PDE4D: variants seen among roughly 807,000 people sequenced by gnomAD.
The protein encoded by PDE4D is 3',5'-cyclic-AMP phosphodiesterase 4D.
A neutral mutation model predicts 87.4 loss-of-function variants in PDE4D; 24 were observed. That is an observed-to-expected ratio of 0.27 (90% confidence interval 0.20 to 0.39). The LOEUF is 0.39. Among genes scored for constraint, PDE4D ranks in the 10% least tolerant of loss-of-function variants. The pLI is 1.00. For synonymous variants in PDE4D, 384 were observed against 383.2 expected (o/e 1.00, Z -0.02); for missense variants, 714 against 1,041.0 (o/e 0.69, Z 4.32).
chr5:60,063,529 C>T (rs1771724131), intron 2 of PDE4D, among the ~76,000 whole-genome samples: 1 of 151,972 alleles, frequency 6.6e-6, no homozygotes, highest in African/African-American at 2.4e-5. Flanking sequence ...TGGGTGTAGG[C>T]CAACCTTGCC....
chr5:60,032,869 A>G (rs921696168), intron 2 of PDE4D: 1 of 152,336 alleles, frequency 6.6e-6, no homozygotes, highest in South Asian at 2.1e-4. Context: ...AACTACATTC[A>G]TCTTGGAAAT....
chr5:59,945,217 A>C (rs1296442447), intron 3 of PDE4D, among the ~76,000 whole-genome samples: 1 of 152,250 alleles, frequency 6.6e-6, no homozygotes. Context: ...AAATGGTTGA[A>C]ATGGCAATTT....
chr5:59,210,355 C>T (rs960845027), intron 2 of PDE4D, among the ~76,000 whole-genome samples: 2 of 152,140 alleles, frequency 1.3e-5, no homozygotes, highest in African/African-American at 4.8e-5. Context: ...AAACTCAGGA[C>T]TGGAAGCAAT....
chr5:59,646,631 C>T (rs1742486754), intron 1 of PDE4D, among the ~76,000 whole-genome samples: 2 of 152,102 alleles, frequency 1.3e-5, no homozygotes, highest in Admixed American at 6.6e-5. Flanking sequence ...TTTAGGTCCT[C>T]GATTTGTGGC....
intron 11 of PDE4D, among the ~76,000 whole-genome samples, chr5:58,987,793 C>T (rs973235809): frequency 1.3e-5 from 2 of 152,112 alleles, no homozygotes; most frequent in African/African-American, 4.8e-5. Flanking sequence ...AAATCACTTA[C>T]CAATTAACTT....
rs556979031 is a variant in PDE4D at position 59,599,426 on chromosome 5, A to G, written c.455+293742T>C. 8.3e-4 allele frequency among the ~76,000 whole-genome samples: 126 copies of G among 151,734 alleles called. 1 individual carries two copies. The highest frequency in any genetic ancestry group is 2.9e-3 in the African/African-American group (122 of 41,416). On this transcript the variant is annotated intron_variant, in intron 1 of 14. Coordinates refer to ENST00000340635, the MANE Select transcript of PDE4D (RefSeq NM_001104631.2). The stretch of plus-strand genomic sequence containing the variant: ...TTTATTTTTTTTTTATTTTTAGTAG[A>G]GATGGAGTTTCACCATGTTGGCTAG...
intron 1 of PDE4D, among the ~76,000 whole-genome samples, chr5:60,310,946 C>T (rs1237989105): frequency 6.6e-6 from 1 of 152,004 alleles, no homozygotes; most frequent in African/African-American, 2.4e-5. Context: ...ATTCCCCATA[C>T]ATAGGAAATA....
intron 1 of PDE4D, among the ~76,000 whole-genome samples, chr5:59,398,338 A>G (rs1789904215): frequency 7.2e-6 from 1 of 139,194 alleles, no homozygotes; most frequent in African/African-American, 2.8e-5. Context: ...TCAATAAAAT[A>G]CTGGCAAACC....
chr5:60,249,630 T>C (rs1748200586), intron 1 of PDE4D, among the ~76,000 whole-genome samples: 3 of 152,054 alleles, frequency 2.0e-5, no homozygotes, highest in Admixed American at 6.6e-5. Context: ...TGAGTTTACA[T>C]TGGGTCACAA....
At chr5:59,624,454 G>C (rs893421026) in intron 1 of PDE4D, among the ~76,000 whole-genome samples, 1 of 152,114 alleles carries the variant, frequency 6.6e-6, no homozygotes, top group Non-Finnish European at 1.5e-5. Flanking sequence ...CTTCCTGAGA[G>C]ACTGGGAAGG....
At chr5:59,499,607 T>C (rs906551654) in intron 1 of PDE4D, among the ~76,000 whole-genome samples, 3 of 151,878 alleles carry the variant, frequency 2.0e-5, no homozygotes, top group African/African-American at 7.3e-5. Flanking sequence ...ACCAATCCCA[T>C]AGAAACATAA....
At chr5:59,471,577 T>C (rs907942397) in intron 1 of PDE4D, among the ~76,000 whole-genome samples, 5 of 152,264 alleles carry the variant, frequency 3.3e-5, no homozygotes, top group Non-Finnish European at 7.3e-5. Flanking sequence ...TTATAGCTTC[T>C]GTAAATCCTA....
At chr5:59,205,786 A>C (rs1748655071) in intron 2 of PDE4D, among the ~76,000 whole-genome samples, 1 of 152,126 alleles carries the variant, frequency 6.6e-6, no homozygotes, top group South Asian at 2.1e-4. Context: ...TGAATTTTGA[A>C]ACATGGAAAT....
At chr5:59,465,751 T>C (rs1356511040) in intron 1 of PDE4D, among the ~76,000 whole-genome samples, 2 of 152,186 alleles carry the variant, frequency 1.3e-5, no homozygotes, top group Non-Finnish European at 2.9e-5. Flanking sequence ...AAATTCAACC[T>C]GAAGAGAGAT....
chr5:59,101,146 G>C (rs1025182565), intron 5 of PDE4D, among the ~76,000 whole-genome samples: 2 of 152,026 alleles, frequency 1.3e-5, no homozygotes, highest in Admixed American at 1.3e-4. Context: ...TTCTTGAGCA[G>C]GCAGCTTAGG....
At chr5:59,861,532 T>C (rs1392904212) in intron 1 of PDE4D, among the ~76,000 whole-genome samples, 7 of 152,090 alleles carry the variant, frequency 4.6e-5, no homozygotes, top group Admixed American at 4.6e-4. Context: ...TTCGAAACAA[T>C]GGGAAAACAA....
intron 1 of PDE4D, among the ~76,000 whole-genome samples, chr5:59,824,105 C>A (rs1770030926): frequency 6.6e-6 from 1 of 151,868 alleles, no homozygotes; most frequent in Non-Finnish European, 1.5e-5. Context: ...AAAGGCAAGC[C>A]ACCTATGTAA....
At chr5:59,670,109 G>A (rs1746945305) in intron 1 of PDE4D, among the ~76,000 whole-genome samples, 1 of 151,992 alleles carries the variant, frequency 6.6e-6, no homozygotes, top group African/African-American at 2.4e-5. Context: ...ATAGCATTAT[G>A]GTAGAGTACA....
At chr5:60,040,326 A>T (rs1014571643) in intron 2 of PDE4D, among the ~76,000 whole-genome samples, 1 of 152,172 alleles carries the variant, frequency 6.6e-6, no homozygotes, top group Non-Finnish European at 1.5e-5. Flanking sequence ...TTGCTTTTCT[A>T]GTAGAGTGGG....
Sources: allele counts gnomAD v4.1 joint callset (sites outside exome capture counted in the v4.1 genomes callset), GRCh38; gene constraint gnomAD v4.1.1; transcripts MANE v1.5; gene names NCBI Gene and HGNC (gene_info 2026-07-23, HGNC 2026-07-21).